ENTPD1: variants seen among roughly 807,000 people sequenced by gnomAD.
The protein encoded by ENTPD1 is ATP diphosphohydrolase.
Under a neutral mutation model 57.0 loss-of-function variants are expected in ENTPD1, and 33 were observed. That is an observed-to-expected ratio of 0.58 (90% confidence interval 0.44 to 0.77). ENTPD1 has a LOEUF of 0.77. ENTPD1 is among the 30% of genes least tolerant of loss of function. The pLI is 0.00. For synonymous variants in ENTPD1, 202 were observed against 218.8 expected (o/e 0.92, Z 0.68); for missense variants, 501 against 603.4 (o/e 0.83, Z 1.78).
intron 7 of ENTPD1, 26 bp from the exon 8 acceptor site, chr10:95,860,443 C>T (rs1239790480): frequency 3.1e-6 from 5 of 1,595,248 alleles, no homozygotes; most frequent in Non-Finnish European, 4.3e-6. Context: ...TGGAACACAG[C>T]CTAAAACTGC....
intron 1 of ENTPD1, among the ~76,000 whole-genome samples, chr10:95,807,152 C>T (rs138074983): frequency 8.4e-4 from 128 of 152,278 alleles, no homozygotes; most frequent in African/African-American, 2.9e-3. Flanking sequence ...TGCTGAGCTG[C>T]GGTGGGCTCT....
upstream of ENTPD1, among the ~76,000 whole-genome samples, chr10:95,710,633 A>T (rs1180340532): frequency 6.6e-6 from 1 of 152,166 alleles, no homozygotes; most frequent in African/African-American, 2.4e-5. Context: ...AAACCTTTTT[A>T]AAAATTTTTC....
intron 1 of ENTPD1, among the ~76,000 whole-genome samples, chr10:95,717,676 C>T (rs1251097705): frequency 6.6e-6 from 1 of 152,162 alleles, no homozygotes; most frequent in Non-Finnish European, 1.5e-5. Context: ...TCCAGCTAGT[C>T]CTGTCTCTCA....
chr10:95,778,470 A>G (rs941834092), intron 1 of ENTPD1, among the ~76,000 whole-genome samples: 9 of 105,170 alleles, frequency 8.6e-5, no homozygotes, highest in Non-Finnish European at 1.7e-4. Flanking sequence ...TATTTTTCAC[A>G]TACCTAAAAG....
At chr10:95,744,024 A>G (rs1008438086) in intron 1 of ENTPD1, among the ~76,000 whole-genome samples, 3 of 138,748 alleles carry the variant, frequency 2.2e-5, no homozygotes, top group African/African-American at 5.6e-5. Flanking sequence ...ATATATATAT[A>G]TATATATATA....
the ENTPD1 span, among the ~76,000 whole-genome samples, chr10:95,695,261 T>C: frequency 1.3e-5 from 2 of 152,188 alleles, no homozygotes; most frequent in Non-Finnish European, 2.9e-5. Flanking sequence ...CGTGAGTAGC[T>C]ACCATATTGT....
intron 1 of ENTPD1, among the ~76,000 whole-genome samples, chr10:95,713,000 C>G (rs1449572956): frequency 6.7e-5 from 10 of 149,182 alleles, no homozygotes; most frequent in Non-Finnish European, 1.2e-4. Flanking sequence ...CGCCGCTGCA[C>G]TCCAGACTGG....
chr10:95,704,896 A>T, the ENTPD1 span, among the ~76,000 whole-genome samples: 3 of 151,670 alleles, frequency 2.0e-5, no homozygotes, highest in African/African-American at 7.2e-5. Flanking sequence ...AAATATACAC[A>T]TACACACATA....
chr10:95,798,299 G>T (rs1397894161), intron 1 of ENTPD1, among the ~76,000 whole-genome samples: 1 of 152,138 alleles, frequency 6.6e-6, no homozygotes, highest in Admixed American at 6.6e-5. Flanking sequence ...AGCAAGTAGG[G>T]AGGTGGAGTT....
At chr10:95,808,978 A>G (rs1053106404) in intron 1 of ENTPD1, among the ~76,000 whole-genome samples, 3 of 152,036 alleles carry the variant, frequency 2.0e-5, no homozygotes, top group Non-Finnish European at 2.9e-5. Context: ...ATCTTGCACC[A>G]CCCTTAATCC....
chr10:95,755,685 A>G (rs976116251), upstream of ENTPD1: 6 of 1,537,052 alleles, frequency 3.9e-6, no homozygotes, highest in Non-Finnish European at 5.2e-6. Context: ...GCCTTGAGAA[A>G]GGATTGCTGG....
intron 1 of ENTPD1, among the ~76,000 whole-genome samples, chr10:95,719,265 T>C (rs1333958728): frequency 6.6e-6 from 1 of 152,200 alleles, no homozygotes; most frequent in African/African-American, 2.4e-5. Context: ...CTGTGACATA[T>C]AAAGAAAAGT....
chr10:95,851,766 T>C (rs570456645), intron 7 of ENTPD1, among the ~76,000 whole-genome samples: 31 of 152,294 alleles, frequency 2.0e-4, no homozygotes, highest in South Asian at 4.1e-4. Context: ...AACTCATCAT[T>C]TTTTATGGCT....
Position 95,839,795 on chromosome 10 carries a change from A to G in ENTPD1, c.249A>G (p.Glu83=). 6.2e-7 allele frequency: 1 copy of G among 1,614,078 alleles called. No homozygotes were observed. The highest frequency in any genetic ancestry group is 1.7e-5 in the Admixed American group (1 of 60,014). The change falls in exon 3 of 10, where the codon GAA becomes GAG. Residue 83 remains glutamate (E), a synonymous_variant. Transcript: ENST00000371205. ...CAGGCGTGGTGCATCAAGTAGAAGA[A>G]TGCAGGGTTAAAGGTAAGATGAAGA... The part of the protein sequence containing the change: ...NDTGVVHQVE[E]CRVKGPGISK...
chr10:95,783,325 A>G (rs1002586877), intron 1 of ENTPD1, among the ~76,000 whole-genome samples: 2 of 152,134 alleles, frequency 1.3e-5, no homozygotes, highest in African/African-American at 2.4e-5. Flanking sequence ...GAGTCACATG[A>G]GACTGGAAAG....
At chr10:95,865,896 T>C (rs997460825) in intron 9 of ENTPD1, among the ~76,000 whole-genome samples, 1 of 152,028 alleles carries the variant, frequency 6.6e-6, no homozygotes, top group Non-Finnish European at 1.5e-5. Flanking sequence ...GGCTCCCAAA[T>C]AGCTGAGACT....
At chr10:95,711,785 G>A (rs539231709) in exon 1 of ENTPD1, 63 of 825,644 alleles carry the variant, frequency 7.6e-5, no homozygotes, top group South Asian at 3.5e-4. Flanking sequence ...TCCTGTGTAC[G>A]TGTAAAATTA....
At position 95,869,282 on chromosome 10, in the gene ENTPD1, C is replaced by T; in HGVS notation, c.*2899C>T. 1.1e-6 allele frequency: 1 copy of T among 938,904 alleles called. No homozygotes were observed. Among genetic ancestry groups the T allele is most frequent in the Non-Finnish European group, 1.2e-6 (1 of 808,142 alleles). 58.2% of individuals were successfully genotyped at this position (938,904 alleles called of 1,614,324 possible). ...TTTTTTTTTTTGAGAGAGAGTCTCA[C>T]TCCATTGCCCAGGCTGGAGTGCAGT... On this transcript the variant is annotated 3_prime_UTR_variant, in exon 10 of 10. Transcript: ENST00000371205.
intron 2 of ENTPD1, chr10:95,839,337 G>C: frequency 3.1e-6 from 1 of 324,768 alleles, no homozygotes; most frequent in South Asian, 2.8e-5. Context: ...GGGGACTATA[G>C]ATTAATGGCT....
Sources: allele counts gnomAD v4.1 joint callset (sites outside exome capture counted in the v4.1 genomes callset), GRCh38; gene constraint gnomAD v4.1.1; transcripts MANE v1.5; gene names NCBI Gene and HGNC (gene_info 2026-07-23, HGNC 2026-07-21).